PDSS2: variants seen among roughly 807,000 people sequenced by gnomAD.
PDSS2 encodes all trans-polyprenyl-diphosphate synthase PDSS2.
A neutral mutation model predicts 44.5 loss-of-function variants in PDSS2; 31 were observed. That is an observed-to-expected ratio of 0.70 (90% CI 0.52 to 0.94). The LOEUF (loss-of-function observed/expected upper bound fraction) is 0.94, where lower values mean the gene tolerates loss of function less well. Among genes scored for constraint, PDSS2 ranks in the 40% least tolerant of loss-of-function variants. The pLI, the probability that PDSS2 is intolerant of heterozygous loss-of-function variation, is 0.00. For missense variants in PDSS2, 452 were observed against 482.2 expected (o/e 0.94, Z 0.59); for synonymous variants, 157 against 180.3 (o/e 0.87, Z 1.03).
At chr6:107,318,041 A>G (rs955998935) in intron 2 of PDSS2, among the ~76,000 whole-genome samples, 2 of 152,194 alleles carry the variant, frequency 1.3e-5, no homozygotes, top group African/African-American at 2.4e-5. Flanking sequence ...TCTTGTGGTC[A>G]TCAGAAGCTC....
chr6:107,446,637 G>A (rs146471581), intron 1 of PDSS2, among the ~76,000 whole-genome samples: 12 of 152,224 alleles, frequency 7.9e-5, no homozygotes, highest in African/African-American at 2.9e-4. Context: ...ACATGGCTGG[G>A]GAGGCCTCAG....
intron 1 of PDSS2, among the ~76,000 whole-genome samples, chr6:107,373,802 A>C (rs1779198792): frequency 6.6e-6 from 1 of 151,954 alleles, no homozygotes; most frequent in African/African-American, 2.4e-5. Context: ...GCTTTTTCTC[A>C]CTCTGGATTA....
chr6:107,342,370 A>C (rs1250486402), intron 1 of PDSS2, among the ~76,000 whole-genome samples: 1 of 152,090 alleles, frequency 6.6e-6, no homozygotes, highest in Non-Finnish European at 1.5e-5. Context: ...CTTCCTCTTG[A>C]GTTCCTTTTC....
At chr6:107,334,167 G>T in intron 2 of PDSS2, 31 bp downstream of exon 2, 1 of 1,597,756 alleles carries the variant, frequency 6.3e-7, no homozygotes, top group South Asian at 1.1e-5. Flanking sequence ...ACGATGTAGA[G>T]AGCAATGTCA....
intron 2 of PDSS2, among the ~76,000 whole-genome samples, chr6:107,280,129 G>A (rs547889577): frequency 6.6e-6 from 1 of 151,988 alleles, no homozygotes. Flanking sequence ...ACGTGATCTC[G>A]GCTCACTGCA....
chr6:107,240,010 T>A (rs1774364692), intron 4 of PDSS2, among the ~76,000 whole-genome samples: 1 of 152,160 alleles, frequency 6.6e-6, no homozygotes, highest in Admixed American at 6.6e-5. Flanking sequence ...GGTCTGTGAA[T>A]CCAAAGTCAA....
chr6:107,406,880 T>G (rs1780337439), intron 1 of PDSS2, among the ~76,000 whole-genome samples: 1 of 152,264 alleles, frequency 6.6e-6, no homozygotes, highest in Admixed American at 6.5e-5. Flanking sequence ...AGAATTGCTT[T>G]GGGTTCACAG....
chr6:107,253,537 C>T (rs867202667), intron 3 of PDSS2, among the ~76,000 whole-genome samples: 1 of 152,188 alleles, frequency 6.6e-6, no homozygotes, highest in Non-Finnish European at 1.5e-5. Context: ...GTTGCAAGAC[C>T]TTGGGCCAAC....
intron 1 of PDSS2, among the ~76,000 whole-genome samples, chr6:107,385,324 T>A (rs1779579062): frequency 1.3e-5 from 2 of 149,866 alleles, no homozygotes; most frequent in East Asian, 2.0e-4. Flanking sequence ...CATAGCAAGA[T>A]CCCTGTCTCT....
intron 5 of PDSS2, 48 bp downstream of exon 5, chr6:107,212,061 G>GT: frequency 6.7e-7 from 1 of 1,498,790 alleles, no homozygotes; most frequent in Non-Finnish European, 9.3e-7. Flanking sequence ...CTTGTGTGTC[G>GT]TTTTAGCTAT....
chr6:107,395,139 G>T (rs935871801), intron 1 of PDSS2, among the ~76,000 whole-genome samples: 2 of 151,822 alleles, frequency 1.3e-5, no homozygotes, highest in Non-Finnish European at 2.9e-5. Context: ...GACTTTTATA[G>T]TTTCTGATAT....
chr6:107,441,124 A>C (rs1362899957), intron 1 of PDSS2, among the ~76,000 whole-genome samples: 1 of 152,244 alleles, frequency 6.6e-6, no homozygotes, highest in East Asian at 1.9e-4. Context: ...CCCACCATCC[A>C]TAAAATGTGT....
At chr6:107,420,075 T>A (rs1044701086) in intron 1 of PDSS2, among the ~76,000 whole-genome samples, 2 of 152,226 alleles carry the variant, frequency 1.3e-5, no homozygotes, top group African/African-American at 4.8e-5. Context: ...ACCTATCTAC[T>A]CTTCTGCTTT....
intron 1 of PDSS2, among the ~76,000 whole-genome samples, chr6:107,391,547 C>A (rs1017045972): frequency 1.3e-5 from 2 of 151,954 alleles, no homozygotes; most frequent in African/African-American, 4.8e-5. Flanking sequence ...TTTCTTGATG[C>A]TTTACCCCAT....
intron 4 of PDSS2, among the ~76,000 whole-genome samples, chr6:107,233,752 G>A (rs900912189): frequency 2.0e-5 from 3 of 152,160 alleles, no homozygotes; most frequent in African/African-American, 7.2e-5. Context: ...GTCTGAGGCT[G>A]TAGTGAGCTA....
chr6:107,347,740 A>T (rs979349896), intron 1 of PDSS2, among the ~76,000 whole-genome samples: 1 of 152,226 alleles, frequency 6.6e-6, no homozygotes, highest in Non-Finnish European at 1.5e-5. Context: ...ATTTCCAGGA[A>T]CATACTAAAG....
At chr6:107,297,461 C>A (rs1016983671) in intron 2 of PDSS2, among the ~76,000 whole-genome samples, 10 of 151,548 alleles carry the variant, frequency 6.6e-5, no homozygotes, top group African/African-American at 2.4e-4. Context: ...CGGCTCCCTG[C>A]AACCTCCGCC....
intron 1 of PDSS2, among the ~76,000 whole-genome samples, chr6:107,350,349 T>C (rs1778392236): frequency 6.6e-6 from 1 of 152,140 alleles, no homozygotes; most frequent in Non-Finnish European, 1.5e-5. Context: ...TTACAATGAG[T>C]TGCCTCTCTT....
intron 1 of PDSS2, among the ~76,000 whole-genome samples, chr6:107,434,882 T>C (rs1781300839): frequency 6.6e-6 from 1 of 152,116 alleles, no homozygotes; most frequent in Admixed American, 6.6e-5. Context: ...TGTGTATATA[T>C]ATACATATAT....
Sources: allele counts gnomAD v4.1 joint callset (sites outside exome capture counted in the v4.1 genomes callset), GRCh38; gene constraint gnomAD v4.1.1; transcripts MANE v1.5; gene names NCBI Gene and HGNC (gene_info 2026-07-23, HGNC 2026-07-21).